The following TRPA1 variants were observed in gnomAD, a reference collection of about 807,000 sequenced individuals.
TRPA1 encodes the protein transient receptor potential cation channel subfamily A member 1, also known as ankyrin-like with transmembrane domains 1.
A neutral mutation model predicts 131.3 loss-of-function variants in TRPA1; 129 were observed. That is an observed-to-expected ratio of 0.98 (90% CI 0.85 to 1.14). The LOEUF is 1.14. Ranked by LOEUF, TRPA1 falls within the 50% of genes most tolerant of loss-of-function variation. TRPA1 has a pLI of 0.00. For synonymous variants in TRPA1, 441 were observed against 451.7 expected, an observed-to-expected ratio of 0.98 and a Z score of 0.30; for missense variants, 1,304 against 1,354.2, an observed-to-expected ratio of 0.96 and a Z score of 0.58.
chr8:72,025,199 C>A (rs1174787055), intron 25 of TRPA1, among the ~76,000 whole-genome samples: 1 of 151,870 alleles, frequency 6.6e-6, no homozygotes, highest in African/African-American at 2.4e-5. Flanking sequence ...TCCCCATAAT[C>A]CCCACGTGTC....
Position 72,075,287 on chromosome 8 carries a change from C to G in TRPA1, c.111+12G>C. On this transcript the variant is annotated intron_variant, in intron 1 of 26. Transcript: ENST00000262209. ...GTCGGAACCCCTCCAGACCCGCGAG[C>G]CCCCAGAGTACCTTAAGCGATTCCT... The G allele has an allele frequency of 6.2e-7, 1 of 1,606,128 alleles. No homozygotes were observed. Among genetic ancestry groups the G allele is most frequent in the East Asian group, 2.2e-5 (1 of 44,828 alleles).
intron 21 of TRPA1, among the ~76,000 whole-genome samples, chr8:72,035,270 T>A (rs1183141719): frequency 2.0e-5 from 3 of 152,198 alleles, no homozygotes. Flanking sequence ...GCAAGGCCAC[T>A]AATAATGACA....
the TRPA1 span, among the ~76,000 whole-genome samples, chr8:72,089,564 A>G: frequency 1.3e-5 from 2 of 152,120 alleles, no homozygotes; most frequent in Non-Finnish European, 2.9e-5. Context: ...TTCAGTCTAT[A>G]AAGACATTCT....
intron 23 of TRPA1, among the ~76,000 whole-genome samples, chr8:72,032,816 AT>A (rs35978455): frequency 0.22 from 34,098 of 152,104 alleles, 4,134 homozygotes; most frequent in Middle Eastern, 0.42. Flanking sequence ...CATCTGCATA[AT>A]TTTTTTTCCT....
chr8:72,052,917 TGA>T, intron 13 of TRPA1, 152 bp from the exon 14 acceptor site: 2 of 819,722 alleles, frequency 2.4e-6, no homozygotes, highest in Non-Finnish European at 3.9e-6. Context: ...TTCAAAATAA[TGA>T]GTTTATAGTT....
chr8:72,039,115 T>C, intron 18 of TRPA1, 88 bp from the exon 19 acceptor site: 2 of 1,299,880 alleles, frequency 1.5e-6, no homozygotes, highest in Non-Finnish European at 1.1e-6. Context: ...TTATAACCTC[T>C]TTCAGAAACC....
chr8:72,049,474 T>C (rs1472559933), intron 15 of TRPA1, among the ~76,000 whole-genome samples: 13 of 152,174 alleles, frequency 8.5e-5, no homozygotes, highest in Admixed American at 7.9e-4. Context: ...TACTGCCTCC[T>C]CCAGCATTTG....
chr8:72,072,157 C>A (rs1054239371), intron 1 of TRPA1, among the ~76,000 whole-genome samples: 1 of 152,080 alleles, frequency 6.6e-6, no homozygotes, highest in African/African-American at 2.4e-5. Flanking sequence ...AGAAATCTTC[C>A]CCAAATGATT....
rs774665415 is a variant in TRPA1 at position 72,061,810 on chromosome 8, A to G, written c.808-49T>C. 3.1e-6 allele frequency: 5 copies of G among 1,597,308 alleles called. No individual in the cohort carries two copies. In the Admixed American group the frequency reaches 8.4e-5, roughly 27 times the overall value. On this transcript the variant is annotated intron_variant, in intron 6 of 26. Coordinates refer to ENST00000262209, the MANE Select transcript of TRPA1 (RefSeq NM_007332.3). Reference sequence around the variant, plus strand: ...ATCAATGTTTAAATCTCAATGAAAGAATATAACTTATATTCAGCTGTGAGC... The same window carrying G: ...ATCAATGTTTAAATCTCAATGAAAGGATATAACTTATATTCAGCTGTGAGC...
At chr8:72,089,903 T>C in the TRPA1 span, among the ~76,000 whole-genome samples, 2 of 152,222 alleles carry the variant, frequency 1.3e-5, no homozygotes, top group South Asian at 4.1e-4. Context: ...CCTTATCCTT[T>C]AAAAATTGGA....
chr8:72,060,218 G>A (rs1328499152), intron 7 of TRPA1: 1 of 151,574 alleles, frequency 6.6e-6, no homozygotes, highest in African/African-American at 2.4e-5. Context: ...TTCTCATTAT[G>A]CATATTAATA....
rs555307966 is a variant in TRPA1, at chr8:72,028,508, C to T, written c.2937+1393G>A. On this transcript the variant is annotated intron_variant, in intron 24 of 26. Transcript: ENST00000262209. ...CTTTCAACACTGACTCATCTCACCC[C>T]CTCCATGTTGCATTCTCTTAATTAT... Among the ~76,000 whole-genome samples, 670 of 152,326 alleles carry T rather than the reference C, an allele frequency of 4.4e-3. 9 individuals are homozygous for T. Among genetic ancestry groups the T allele is most frequent in the African/African-American group, 0.015 (628 of 41,562 alleles).
chr8:72,061,951 A>T (rs919208345), intron 6 of TRPA1, among the ~76,000 whole-genome samples, 190 bp from the exon 7 acceptor site: 7 of 152,222 alleles, frequency 4.6e-5, no homozygotes, highest in Admixed American at 3.3e-4. Context: ...AAGCATCCAC[A>T]AACAAATTGT....
chr8:72,082,839 C>G, the TRPA1 span, among the ~76,000 whole-genome samples: 1 of 150,788 alleles, frequency 6.6e-6, no homozygotes, highest in Non-Finnish European at 1.5e-5. Context: ...TAGATTAATA[C>G]TTTTTTTTTC....
At chr8:72,063,187 C>T (rs956066815) in intron 5 of TRPA1, among the ~76,000 whole-genome samples, 2 of 152,004 alleles carry the variant, frequency 1.3e-5, no homozygotes, top group African/African-American at 4.8e-5. Context: ...CGAGACCAGC[C>T]TGGCCAACAC....
chr8:72,049,954 TA>T (rs1805455651), intron 15 of TRPA1, among the ~76,000 whole-genome samples: 1 of 152,008 alleles, frequency 6.6e-6, no homozygotes, highest in Admixed American at 6.6e-5. Flanking sequence ...TTTTAATTTT[TA>T]TTTTTTTACC....
chr8:72,054,161 CTG>C, intron 12 of TRPA1: 1 of 392,066 alleles, frequency 2.6e-6, no homozygotes, highest in Non-Finnish European at 4.7e-6. Context: ...CTTAGCATGT[CTG>C]TGTCATACCT....
In TRPA1 at chr8:72,053,745, G is replaced by A; in HGVS notation, c.1644+8C>T. 6.2e-7 allele frequency: 1 copy of A among 1,604,822 alleles called. No homozygotes were observed. Among genetic ancestry groups the A allele is most frequent in the Non-Finnish European group, 8.5e-7 (1 of 1,173,336 alleles). ...ATTTTGGGTAAGCATGAGGACCGCA[G>A]TACATACCCCGTCTTCATCCAGGCG... On this transcript the variant is annotated splice_region_variant and intron_variant, in intron 13 of 26. Transcript: ENST00000262209.
At chr8:72,089,380 A>C in the TRPA1 span, among the ~76,000 whole-genome samples, 1 of 152,100 alleles carries the variant, frequency 6.6e-6, no homozygotes, top group Non-Finnish European at 1.5e-5. Flanking sequence ...TTCACACCAC[A>C]ACCCACACGA....
Sources: allele counts gnomAD v4.1 joint callset (sites outside exome capture counted in the v4.1 genomes callset), GRCh38; gene constraint gnomAD v4.1.1; transcripts MANE v1.5; gene names NCBI Gene and HGNC (gene_info 2026-07-23, HGNC 2026-07-21).